SAMMSON: variants seen among roughly 807,000 people sequenced by gnomAD.
SAMMSON encodes the protein long intergenic non-protein coding RNA 1212.
At chr3:70,159,991 G>A (rs72941510) in intron 4 of SAMMSON, among the ~76,000 whole-genome samples, 1 of 151,838 alleles carries the variant, frequency 6.6e-6, no homozygotes, top group Non-Finnish European at 1.5e-5. Flanking sequence ...CTTATTTTTT[G>A]ATTAGATTGT....
chr3:70,330,154 A>G (rs1702610551), intron 7 of SAMMSON, among the ~76,000 whole-genome samples: 1 of 151,916 alleles, frequency 6.6e-6, no homozygotes. Flanking sequence ...CCTAATTCGG[A>G]AAAAATATAT....
At chr3:70,316,624 C>G (rs1231109387) in intron 7 of SAMMSON, among the ~76,000 whole-genome samples, 1 of 151,948 alleles carries the variant, frequency 6.6e-6, no homozygotes, top group Non-Finnish European at 1.5e-5. Context: ...ACTTTTCGGC[C>G]TTGATATGAA....
intron 2 of SAMMSON, among the ~76,000 whole-genome samples, chr3:70,405,086 C>G (rs973566374): frequency 6.6e-6 from 1 of 152,180 alleles, no homozygotes; most frequent in Non-Finnish European, 1.5e-5. Context: ...CCAGAGCTCT[C>G]ATAGGCTGGG....
chr3:70,004,920 C>CT (rs1216768743), intron 1 of SAMMSON, among the ~76,000 whole-genome samples: 4 of 152,170 alleles, frequency 2.6e-5, no homozygotes, highest in Non-Finnish European at 4.4e-5. Context: ...CACTTAGCCA[C>CT]TTTTTTTCAT....
chr3:70,417,424 A>C (rs1174394733), intron 2 of SAMMSON, among the ~76,000 whole-genome samples: 1 of 152,164 alleles, frequency 6.6e-6, no homozygotes, highest in Non-Finnish European at 1.5e-5. Context: ...TTCTCTGTAC[A>C]ATGGTACTTG....
At chr3:70,310,328 T>C (rs996964913) in intron 7 of SAMMSON, among the ~76,000 whole-genome samples, 4 of 151,852 alleles carry the variant, frequency 2.6e-5, no homozygotes, top group African/African-American at 7.2e-5. Context: ...CTTTTTTCTT[T>C]TTAAAATAAG....
At chr3:70,408,047 C>T (rs760310687) in intron 2 of SAMMSON, among the ~76,000 whole-genome samples, 5 of 152,258 alleles carry the variant, frequency 3.3e-5, no homozygotes, top group South Asian at 2.1e-4. Flanking sequence ...GGCTTGCACC[C>T]TCTGAAGCCA....
intron 9 of SAMMSON, among the ~76,000 whole-genome samples, chr3:70,376,440 A>G (rs1703014910): frequency 6.6e-6 from 1 of 152,208 alleles, no homozygotes; most frequent in Admixed American, 6.5e-5. Context: ...CAGAACTGGT[A>G]TGCTTATTTT....
At chr3:70,162,079 A>G (rs907695526) in intron 4 of SAMMSON, among the ~76,000 whole-genome samples, 2 of 151,716 alleles carry the variant, frequency 1.3e-5, no homozygotes, top group South Asian at 2.1e-4. Flanking sequence ...ATTCCAAAAA[A>G]CAATGTTTTG....
At chr3:70,277,683 C>A (rs1419215343) in intron 6 of SAMMSON, among the ~76,000 whole-genome samples, 1 of 152,140 alleles carries the variant, frequency 6.6e-6, no homozygotes, top group Non-Finnish European at 1.5e-5. Flanking sequence ...GATCTCACCA[C>A]CTCCCGAGCT....
At chr3:70,423,191 T>C (rs74415199) in intron 2 of SAMMSON, among the ~76,000 whole-genome samples, 3 of 152,130 alleles carry the variant, frequency 2.0e-5, no homozygotes, top group African/African-American at 7.2e-5. Flanking sequence ...AGAAAGGGAA[T>C]AAACTGATAC....
intron 7 of SAMMSON, among the ~76,000 whole-genome samples, chr3:70,325,885 G>A (rs1702577725): frequency 6.6e-6 from 1 of 152,096 alleles, no homozygotes; most frequent in African/African-American, 2.4e-5. Context: ...TAACATAACT[G>A]ATAAACCCCT....
intron 1 of SAMMSON, among the ~76,000 whole-genome samples, chr3:70,000,246 C>A (rs528367669): frequency 6.6e-6 from 1 of 152,312 alleles, no homozygotes; most frequent in South Asian, 2.1e-4. Context: ...CGGAGCCCCA[C>A]AGCCTGCCTG....
At chr3:70,126,718 GTTTTTT>G (rs2067460504) in intron 4 of SAMMSON, 1 of 248,622 alleles carries the variant, frequency 4.0e-6, no homozygotes, top group Non-Finnish European at 7.8e-6. Flanking sequence ...TTTTGTTTTT[GTTTTTT>G]GTTTTTTTTG....
At chr3:70,096,968 G>C (rs2067325122) in intron 4 of SAMMSON, among the ~76,000 whole-genome samples, 1 of 152,128 alleles carries the variant, frequency 6.6e-6, no homozygotes, top group African/African-American at 2.4e-5. Context: ...AATACGACCT[G>C]TGATCTTCCT....
At chr3:70,429,603 T>G (rs930753087) in intron 2 of SAMMSON, among the ~76,000 whole-genome samples, 1 of 152,146 alleles carries the variant, frequency 6.6e-6, no homozygotes, top group Non-Finnish European at 1.5e-5. Context: ...CCATGAGCAT[T>G]CAATGTTTTA....
In SAMMSON at chr3:70,161,313, G is replaced by A. The variant is rs71298329; in HGVS notation, n.508-87794G>A. ...GTATGATGTTCACTGCAGATTTTAC[G>A]TAGATGCGCTTTATCACATTAAGGA... On this transcript the variant is annotated intron_variant and non_coding_transcript_variant, in intron 4 of 9. Coordinates refer to ENST00000642114, the Ensembl canonical transcript of SAMMSON. Among the ~76,000 whole-genome samples the A allele has an allele frequency of 2.3e-3, 349 of 152,054 alleles. 2 individuals carry two copies. Among genetic ancestry groups the A allele is most frequent in the South Asian group, 0.011 (52 of 4,816 alleles).
intron 4 of SAMMSON, among the ~76,000 whole-genome samples, chr3:70,110,072 G>C: frequency 6.6e-6 from 1 of 152,226 alleles, no homozygotes; most frequent in East Asian, 1.9e-4. Flanking sequence ...ACAGGGTGCT[G>C]TAGGAGAGGC....
At chr3:70,049,996 A>G (rs1326740831) in intron 3 of SAMMSON, among the ~76,000 whole-genome samples, 2 of 152,114 alleles carry the variant, frequency 1.3e-5, no homozygotes, top group Non-Finnish European at 2.9e-5. Flanking sequence ...GCAAGATTCT[A>G]TGTGCCAAGC....
Sources: allele counts gnomAD v4.1 joint callset (sites outside exome capture counted in the v4.1 genomes callset), GRCh38; gene constraint gnomAD v4.1.1; transcripts MANE v1.5; gene names NCBI Gene and HGNC (gene_info 2026-07-23, HGNC 2026-07-21).